The following CLSTN2 variants were observed in gnomAD, a reference collection of about 807,000 sequenced individuals.
CLSTN2 encodes the protein calsyntenin-2.
CLSTN2 carries 48 observed loss-of-function variants against 101.2 expected under a neutral mutation model. The observed-to-expected ratio is 0.47, with a 90% CI of 0.38 to 0.60. The LOEUF (loss-of-function observed/expected upper bound fraction) is 0.60. Ranked by LOEUF, CLSTN2 falls within the 20% of genes least tolerant of loss-of-function variation. The pLI, the probability that CLSTN2 is intolerant of heterozygous loss-of-function variation, is 0.00. For synonymous variants in CLSTN2, 481 were observed against 463.6 expected, an observed-to-expected ratio of 1.04 and a Z score of -0.48; for missense variants, 1,160 against 1,238.2, an observed-to-expected ratio of 0.94 and a Z score of 0.95.
intron 2 of CLSTN2, among the ~76,000 whole-genome samples, chr3:140,327,663 T>G (rs1354767294): frequency 6.6e-6 from 1 of 152,198 alleles, no homozygotes; most frequent in South Asian, 2.1e-4. Context: ...TCTGGGCAAG[T>G]CAACCATCAT....
At chr3:140,453,033 T>A (rs988793400) in intron 6 of CLSTN2, among the ~76,000 whole-genome samples, 2 of 152,228 alleles carry the variant, frequency 1.3e-5, no homozygotes, top group Admixed American at 1.3e-4. Flanking sequence ...CAGTGAGACC[T>A]CTTGGCCAAA....
At chr3:140,473,190 G>T (rs552695672) in intron 8 of CLSTN2, among the ~76,000 whole-genome samples, 1 of 152,308 alleles carries the variant, frequency 6.6e-6, no homozygotes, top group South Asian at 2.1e-4. Flanking sequence ...AGCCATGCTC[G>T]TTCCATCTTA....
At chr3:140,305,073 G>GTCTCTCTATCTCTCTC (rs2087099643) in intron 2 of CLSTN2, among the ~76,000 whole-genome samples, 1 of 138,308 alleles carries the variant, frequency 7.2e-6, no homozygotes, top group Non-Finnish European at 1.6e-5. Flanking sequence ...CTCTCTCTCT[G>GTCTCTCTATCTCTCTC]TCTCTCTTTC....
At chr3:139,966,591 T>A (rs1935602445) in intron 1 of CLSTN2, among the ~76,000 whole-genome samples, 1 of 152,172 alleles carries the variant, frequency 6.6e-6, no homozygotes, top group Non-Finnish European at 1.5e-5. Context: ...TGCTGCTGGT[T>A]GGGTTTGGAG....
At chr3:140,290,065 A>C (rs1250161044) in intron 2 of CLSTN2, among the ~76,000 whole-genome samples, 1 of 151,486 alleles carries the variant, frequency 6.6e-6, no homozygotes, top group East Asian at 1.9e-4. Context: ...AGAAATAAGG[A>C]TCAAAATTCC....
intron 2 of CLSTN2, among the ~76,000 whole-genome samples, chr3:140,184,980 G>C (rs1315132164): frequency 6.6e-6 from 1 of 152,090 alleles, no homozygotes; most frequent in Admixed American, 6.6e-5. Context: ...CCACTGGTGT[G>C]GCCCATAGCA....
intron 2 of CLSTN2, among the ~76,000 whole-genome samples, chr3:140,271,199 T>A (rs568184155): frequency 4.6e-4 from 70 of 152,090 alleles, no homozygotes; most frequent in African/African-American, 1.6e-3. Flanking sequence ...CTCTTGGAGG[T>A]CACCTCTGCT....
chr3:140,471,210 C>A (rs1314983288), intron 8 of CLSTN2, among the ~76,000 whole-genome samples: 1 of 152,204 alleles, frequency 6.6e-6, no homozygotes, highest in Non-Finnish European at 1.5e-5. Flanking sequence ...GAGTGCCCAG[C>A]TGCCAGCACA....
intron 1 of CLSTN2, among the ~76,000 whole-genome samples, chr3:139,967,530 A>C (rs571507982): frequency 4.6e-5 from 7 of 152,114 alleles, no homozygotes; most frequent in African/African-American, 2.4e-5. Flanking sequence ...AAGCCAAGGG[A>C]GTTTGGCATG....
chr3:140,267,965 T>G (rs1423403215), intron 2 of CLSTN2, among the ~76,000 whole-genome samples: 1 of 152,164 alleles, frequency 6.6e-6, no homozygotes, highest in Non-Finnish European at 1.5e-5. Context: ...TTGACATCCA[T>G]TAGCTCCTGT....
intron 1 of CLSTN2, among the ~76,000 whole-genome samples, chr3:140,151,940 T>C (rs570682009): frequency 6.6e-6 from 1 of 151,644 alleles, no homozygotes; most frequent in African/African-American, 2.4e-5. Flanking sequence ...AAGGGAGGAG[T>C]CTAGGTGGAT....
At chr3:140,492,085 G>A (rs1934364801) in intron 8 of CLSTN2, among the ~76,000 whole-genome samples, 1 of 152,110 alleles carries the variant, frequency 6.6e-6, no homozygotes, top group Admixed American at 6.5e-5. Context: ...TTCATTATAT[G>A]TTGGGGAAAT....
At chr3:139,984,067 A>C (rs553870387) in intron 1 of CLSTN2, among the ~76,000 whole-genome samples, 3 of 152,180 alleles carry the variant, frequency 2.0e-5, no homozygotes, top group Non-Finnish European at 2.9e-5. Flanking sequence ...TGCCTCTTTA[A>C]TCAGCTAAGC....
intron 1 of CLSTN2, among the ~76,000 whole-genome samples, chr3:139,982,964 C>T (rs894284336): frequency 7.6e-5 from 11 of 144,128 alleles, no homozygotes; most frequent in African/African-American, 2.8e-4. Context: ...TATATATACA[C>T]TATATATACT....
intron 8 of CLSTN2, 150 bp downstream of exon 8, chr3:140,466,881 T>A: frequency 1.9e-6 from 2 of 1,028,692 alleles, no homozygotes; most frequent in Non-Finnish European, 2.8e-6. Flanking sequence ...CACAGCATCT[T>A]AAAGTCAGGA....
intron 1 of CLSTN2, among the ~76,000 whole-genome samples, chr3:140,067,862 TA>T (rs372875302): frequency 2.0e-5 from 3 of 152,156 alleles, no homozygotes; most frequent in South Asian, 4.2e-4. Context: ...TAAAAAGGAC[TA>T]AAAAAAAGTA....
intron 9 of CLSTN2, among the ~76,000 whole-genome samples, chr3:140,538,618 G>A (rs1935406013): frequency 6.6e-6 from 1 of 152,224 alleles, no homozygotes; most frequent in Non-Finnish European, 1.5e-5. Context: ...AACAGCGTTA[G>A]TACAGAGGCT....
intron 2 of CLSTN2, among the ~76,000 whole-genome samples, chr3:140,338,219 T>C (rs1166817884): frequency 6.6e-6 from 1 of 152,164 alleles, no homozygotes; most frequent in Non-Finnish European, 1.5e-5. Flanking sequence ...TTTCTCTTTG[T>C]GCTCCCCTCT....
intron 1 of CLSTN2, among the ~76,000 whole-genome samples, chr3:140,050,836 G>C (rs2007975817): frequency 6.6e-6 from 1 of 152,192 alleles, no homozygotes; most frequent in Non-Finnish European, 1.5e-5. Flanking sequence ...TTAGACAAAA[G>C]AAGATATTCT....
Sources: allele counts gnomAD v4.1 joint callset (sites outside exome capture counted in the v4.1 genomes callset), GRCh38; gene constraint gnomAD v4.1.1; transcripts MANE v1.5; gene names NCBI Gene and HGNC (gene_info 2026-07-23, HGNC 2026-07-21).